PPFIBP1: variants seen among roughly 807,000 people sequenced by gnomAD.
The protein encoded by PPFIBP1 is PPFIB scaffold protein 1, also known as liprin-beta-1.
A neutral mutation model predicts 137.8 loss-of-function variants in PPFIBP1; 112 were observed. The observed-to-expected ratio is 0.81, with a 90% CI of 0.70 to 0.95. The LOEUF (loss-of-function observed/expected upper bound fraction) is 0.95, where lower values mean the gene tolerates loss of function less well. PPFIBP1 is among the 40% of genes least tolerant of loss of function. The pLI is 0.00. For missense variants in PPFIBP1, 1,083 were observed against 1,196.6 expected, an observed-to-expected ratio of 0.91 and a Z score of 1.40; for synonymous variants, 378 against 417.3, an observed-to-expected ratio of 0.91 and a Z score of 1.15.
intron 24 of PPFIBP1, 151 bp from the exon 25 acceptor site, chr12:27,687,234 T>C (rs1422105273): frequency 1.5e-5 from 13 of 856,584 alleles, no homozygotes; most frequent in Non-Finnish European, 2.0e-5. Context: ...GAAGATTTTG[T>C]TCCAAATGGG....
chr12:27,672,101 T>G (rs2060236879), intron 14 of PPFIBP1, among the ~76,000 whole-genome samples: 1 of 152,024 alleles, frequency 6.6e-6, no homozygotes, highest in Admixed American at 6.6e-5. Context: ...TTAGGGAACT[T>G]GGATTTTTAT....
chr12:27,564,698 C>A (rs1450220841), intron 1 of PPFIBP1, among the ~76,000 whole-genome samples: 2 of 152,182 alleles, frequency 1.3e-5, no homozygotes, highest in Non-Finnish European at 2.9e-5. Flanking sequence ...CGAGTTCCTG[C>A]CAGAAGAATT....
At chr12:27,545,574 G>T (rs1946147972) in intron 1 of PPFIBP1, among the ~76,000 whole-genome samples, 1 of 152,114 alleles carries the variant, frequency 6.6e-6, no homozygotes, top group Non-Finnish European at 1.5e-5. Context: ...AGTAATTAGT[G>T]CTCATTAGCA....
At chr12:27,595,347 G>C (rs1410083522) in intron 2 of PPFIBP1, among the ~76,000 whole-genome samples, 1 of 152,212 alleles carries the variant, frequency 6.6e-6, no homozygotes, top group African/African-American at 2.4e-5. Context: ...CATGGAAGAA[G>C]TGCTGCTAAC....
rs144412150 is a variant in PPFIBP1 at position 27,534,687 on chromosome 12, G to T, written c.-124+10322G>T. On this transcript the variant is annotated intron_variant, in intron 1 of 29. Transcript: ENST00000228425. ...TTGGGGGAAACCTGAGCTCTGAGTGGTGAGAGACAACTGGTTTTGGAGCCC... is the reference window on the plus strand; with the variant it reads ...TTGGGGGAAACCTGAGCTCTGAGTGTTGAGAGACAACTGGTTTTGGAGCCC... Among the ~76,000 whole-genome samples the T allele has an allele frequency of 7.9e-5, 12 of 152,330 alleles. No individual in the cohort carries two copies. In the East Asian group the frequency reaches 1.7e-3, roughly 22 times the overall value.
intron 2 of PPFIBP1, among the ~76,000 whole-genome samples, chr12:27,625,415 A>G (rs1274145059): frequency 1.3e-5 from 2 of 151,962 alleles, no homozygotes; most frequent in Non-Finnish European, 2.9e-5. Context: ...CATTTTATCC[A>G]TGAGTATTTT....
Position 27,680,071 on chromosome 12 carries a change from G to C in PPFIBP1, c.1895+10G>C. 6.2e-7 allele frequency: 1 copy of C among 1,613,354 alleles called. No individual in the cohort carries two copies. The highest frequency in any genetic ancestry group is 8.5e-7 in the Non-Finnish European group (1 of 1,179,568). On this transcript the variant is annotated intron_variant, in intron 21 of 29. Transcript: ENST00000228425. ...TGGGACAGTCTAACAGGTAAGAAGA[G>C]CCAACTGATAGACTTTTGCATCTCT... is the stretch of plus-strand genomic sequence containing the variant.
intron 4 of PPFIBP1, among the ~76,000 whole-genome samples, chr12:27,637,923 T>G (rs2057802494): frequency 6.6e-6 from 1 of 152,186 alleles, no homozygotes; most frequent in Non-Finnish European, 1.5e-5. Context: ...TTAAAATGGG[T>G]ATATGTATAC....
chr12:27,593,787 T>A, intron 2 of PPFIBP1: 4 of 938,504 alleles, frequency 4.3e-6, no homozygotes, highest in Non-Finnish European at 6.2e-6. Context: ...GATGTTCAGT[T>A]TGCAAAACTG....
chr12:27,628,918 AT>A (rs939698923), intron 2 of PPFIBP1, among the ~76,000 whole-genome samples: 1 of 152,222 alleles, frequency 6.6e-6, no homozygotes, highest in Non-Finnish European at 1.5e-5. Context: ...CTGGGAACCA[AT>A]GTAGATTACA....
chr12:27,623,929 G>C (rs1321691864), intron 2 of PPFIBP1, among the ~76,000 whole-genome samples: 1 of 152,134 alleles, frequency 6.6e-6, no homozygotes, highest in African/African-American at 2.4e-5. Flanking sequence ...GCAGATAGCA[G>C]AAATACAGTC....
intron 1 of PPFIBP1, among the ~76,000 whole-genome samples, chr12:27,532,472 T>C (rs564665674): frequency 4.2e-4 from 64 of 152,142 alleles, no homozygotes; most frequent in African/African-American, 1.5e-3. Context: ...TTTTTTTTTT[T>C]TTACAGTATA....
At chr12:27,604,088 G>T (rs1187432369) in intron 2 of PPFIBP1, among the ~76,000 whole-genome samples, 1 of 152,188 alleles carries the variant, frequency 6.6e-6, no homozygotes, top group Admixed American at 6.5e-5. Flanking sequence ...ATAAAGAAAA[G>T]TGGGGATGGG....
chr12:27,586,980 G>A (rs181430141), intron 2 of PPFIBP1, among the ~76,000 whole-genome samples: 2 of 152,124 alleles, frequency 1.3e-5, no homozygotes, highest in Non-Finnish European at 2.9e-5. Flanking sequence ...ATTTCAAACG[G>A]CAGAGGACCT....
intron 7 of PPFIBP1, among the ~76,000 whole-genome samples, chr12:27,651,288 T>C (rs1185081275): frequency 1.3e-5 from 2 of 151,646 alleles, no homozygotes; most frequent in Non-Finnish European, 2.9e-5. Context: ...TTTTTTTTTT[T>C]AAGAGATAGG....
rs756817403 is a variant in PPFIBP1 at position 27,650,151 on chromosome 12, A to G, written c.603+10A>G. 2 of 1,590,806 alleles carry G rather than the reference A, an allele frequency of 1.3e-6. No homozygotes were observed. The highest frequency in any genetic ancestry group is 1.7e-6 in the Non-Finnish European group (2 of 1,160,538). On this transcript the variant is annotated intron_variant, in intron 7 of 29. Transcript: ENST00000228425. ...GTTCAGAGACACAGAGGTGAGTGAT[A>G]CAGTCTCTCCTCCCTCTCTCTCTCT...
At chr12:27,540,247 T>A (rs1383688859) in intron 1 of PPFIBP1, among the ~76,000 whole-genome samples, 1 of 150,954 alleles carries the variant, frequency 6.6e-6, no homozygotes, top group Non-Finnish European at 1.5e-5. Context: ...GTAGAGACTC[T>A]GTCTCAAAAT....
intron 10 of PPFIBP1, among the ~76,000 whole-genome samples, chr12:27,659,715 C>G (rs913880911): frequency 6.6e-6 from 1 of 151,990 alleles, no homozygotes; most frequent in South Asian, 2.1e-4. Flanking sequence ...GTTAAATTCT[C>G]AATTCCTATA....
At chr12:27,586,517 G>A (rs2051771297) in intron 2 of PPFIBP1, among the ~76,000 whole-genome samples, 1 of 152,150 alleles carries the variant, frequency 6.6e-6, no homozygotes, top group Admixed American at 6.5e-5. Flanking sequence ...GGCCAACATG[G>A]TGAAACCCTG....
Sources: allele counts gnomAD v4.1 joint callset (sites outside exome capture counted in the v4.1 genomes callset), GRCh38; gene constraint gnomAD v4.1.1; transcripts MANE v1.5; gene names NCBI Gene and HGNC (gene_info 2026-07-23, HGNC 2026-07-21).